TAF4B: variants seen among roughly 807,000 people sequenced by gnomAD.
TAF4B encodes TATA-box binding protein associated factor 4b.
Under a neutral mutation model 86.4 loss-of-function variants are expected in TAF4B, and 38 were observed. The observed-to-expected ratio is 0.44, with a 90% CI of 0.34 to 0.58. The LOEUF is 0.58. Among genes scored for constraint, TAF4B ranks in the 20% least tolerant of loss-of-function variants. The pLI is 0.02. For missense variants in TAF4B, 988 were observed against 1,027.6 expected (o/e 0.96, Z 0.53); for synonymous variants, 388 against 391.2 (o/e 0.99, Z 0.10).
intron 14 of TAF4B, among the ~76,000 whole-genome samples, chr18:26,380,634 T>A (rs965917683): frequency 6.6e-6 from 1 of 152,220 alleles, no homozygotes; most frequent in Non-Finnish European, 1.5e-5. Context: ...TTTGTTTTTT[T>A]AAAAGTTTTA....
At chr18:26,260,720 C>G (rs2056152552) in intron 1 of TAF4B, among the ~76,000 whole-genome samples, 1 of 148,148 alleles carries the variant, frequency 6.8e-6, no homozygotes, top group South Asian at 2.1e-4. Context: ...TTTCTTTTGC[C>G]AGTTTAGGTT....
chr18:26,361,305 T>TTTG (rs1555625303), intron 14 of TAF4B, among the ~76,000 whole-genome samples: 9 of 125,508 alleles, frequency 7.2e-5, no homozygotes, highest in Non-Finnish European at 7.0e-5. Flanking sequence ...TTTTTTTTTT[T>TTTG]TAGAGACAAG....
In TAF4B at chr18:26,376,519, A is replaced by ATT. The variant is rs201177269; in HGVS notation, c.2422-13314_2422-13313dup. ...AACTACTATGTAGTTTTGTACATTG[A>ATT]TTTTTTTTTTTTTATCCTGCAGCCT... On this transcript the variant is annotated intron_variant, in intron 14 of 14. Transcript: ENST00000269142. Among the ~76,000 whole-genome samples the ATT allele has an allele frequency of 8.9e-4, 131 of 146,844 alleles. 2 individuals are homozygous for ATT. In the Middle Eastern group the frequency reaches 0.01, roughly 12 times the overall value.
intron 1 of TAF4B, among the ~76,000 whole-genome samples, chr18:26,250,841 GA>G: frequency 6.6e-6 from 1 of 152,278 alleles, no homozygotes; most frequent in African/African-American, 2.4e-5. Context: ...AAATTTAATA[GA>G]GATAAATAGA....
chr18:26,299,317 TG>T (rs1332228694), intron 9 of TAF4B, among the ~76,000 whole-genome samples: 1 of 152,182 alleles, frequency 6.6e-6, no homozygotes, highest in Non-Finnish European at 1.5e-5. Flanking sequence ...CTATTTAAGG[TG>T]GTCATTGATT....
At chr18:26,239,299 G>T (rs1360696531) in intron 1 of TAF4B, among the ~76,000 whole-genome samples, 1 of 152,066 alleles carries the variant, frequency 6.6e-6, no homozygotes, top group Non-Finnish European at 1.5e-5. Flanking sequence ...GTGTGAGATG[G>T]TATCTCATTG....
At chr18:26,388,877 G>A (rs974751657) in intron 14 of TAF4B, among the ~76,000 whole-genome samples, 10 of 152,042 alleles carry the variant, frequency 6.6e-5, no homozygotes, top group South Asian at 2.1e-4. Flanking sequence ...ATGCAGTGGC[G>A]CGATCTCAGC....
intron 1 of TAF4B, among the ~76,000 whole-genome samples, chr18:26,246,386 T>G (rs895912198): frequency 6.6e-6 from 1 of 152,166 alleles, no homozygotes; most frequent in African/African-American, 2.4e-5. Context: ...CAATCAAGTT[T>G]GTAGATAATA....
intron 1 of TAF4B, among the ~76,000 whole-genome samples, chr18:26,250,225 C>T (rs187571467): frequency 0.01 from 1,555 of 151,938 alleles, 19 homozygotes; most frequent in African/African-American, 0.035. Context: ...GTGCTGGGCG[C>T]GGTGGCTCAC....
chr18:26,290,652 C>G (rs935779418), intron 7 of TAF4B, among the ~76,000 whole-genome samples: 58 of 152,186 alleles, frequency 3.8e-4, no homozygotes, highest in Non-Finnish European at 1.6e-4. Context: ...CTTAGTCTTC[C>G]CTAGCTCTAT....
At chr18:26,236,105 C>T (rs1484696615) in intron 1 of TAF4B, among the ~76,000 whole-genome samples, 2 of 152,148 alleles carry the variant, frequency 1.3e-5, no homozygotes, top group African/African-American at 2.4e-5. Context: ...TTGATTCCCT[C>T]CTCAACTAGG....
At chr18:26,290,671 G>C (rs1479311710) in intron 7 of TAF4B, among the ~76,000 whole-genome samples, 1 of 152,170 alleles carries the variant, frequency 6.6e-6, no homozygotes, top group Non-Finnish European at 1.5e-5. Flanking sequence ...ATTTGTTAGA[G>C]TTTTGTTTTT....
chr18:26,306,176 T>A (rs1160721944), intron 9 of TAF4B, among the ~76,000 whole-genome samples: 1 of 152,244 alleles, frequency 6.6e-6, no homozygotes, highest in South Asian at 2.1e-4. Flanking sequence ...TTTTCTTTAA[T>A]GTTTTTAATG....
intron 13 of TAF4B, among the ~76,000 whole-genome samples, chr18:26,339,191 A>T (rs551642218): frequency 6.6e-6 from 1 of 152,256 alleles, no homozygotes; most frequent in South Asian, 2.1e-4. Context: ...TCTCGCTATT[A>T]TAACTTTATA....
At chr18:26,327,350 T>C (rs189967214) in intron 12 of TAF4B, among the ~76,000 whole-genome samples, 184 of 152,334 alleles carry the variant, frequency 1.2e-3, no homozygotes, top group African/African-American at 4.1e-3. Context: ...TTTTGTCTTC[T>C]CACATTTCCT....
chr18:26,291,498 G>A (rs1450275968), intron 7 of TAF4B, among the ~76,000 whole-genome samples: 1 of 152,112 alleles, frequency 6.6e-6, no homozygotes, highest in African/African-American at 2.4e-5. Context: ...CTTGAGGTCA[G>A]GAGTTCGAGA....
chr18:26,384,088 C>T (rs1352085993), intron 14 of TAF4B, among the ~76,000 whole-genome samples: 1 of 152,144 alleles, frequency 6.6e-6, no homozygotes, highest in East Asian at 1.9e-4. Context: ...ATTCTACTCC[C>T]TATTTCTCAC....
intron 1 of TAF4B, chr18:26,256,089 A>G (rs2056080151): frequency 2.0e-6 from 3 of 1,467,314 alleles, no homozygotes; most frequent in South Asian, 2.3e-5. Flanking sequence ...TTTGGTTTCA[A>G]TGTAGTCTTT....
At chr18:26,389,737 C>T in intron 14 of TAF4B, 108 bp from the exon 15 acceptor site, 1 of 1,178,638 alleles carries the variant, frequency 8.5e-7, no homozygotes. Context: ...ATCTCCAGTA[C>T]CTAACCCAGT....
Sources: gnomAD v4.1 joint callset for allele counts (sites outside exome capture counted in the v4.1 genomes callset) on GRCh38, gnomAD v4.1.1 for gene constraint, MANE v1.5 for transcripts, NCBI Gene and HGNC (gene_info 2026-07-23, HGNC 2026-07-21) for gene names.